PTPRT: variants seen among roughly 807,000 people sequenced by gnomAD.
PTPRT encodes the protein protein tyrosine phosphatase receptor type T, also known as receptor-type tyrosine-protein phosphatase T.
Under a neutral mutation model 176.8 loss-of-function variants are expected in PTPRT, and 56 were observed. The ratio of observed to expected loss-of-function variants is 0.32; its 90% CI spans 0.26 to 0.40. The LOEUF (loss-of-function observed/expected upper bound fraction) is 0.40. Ranked by LOEUF, PTPRT falls within the 10% of genes least tolerant of loss-of-function variation. PTPRT has a pLI of 1.00. For synonymous variants in PTPRT, 783 were observed against 739.0 expected (o/e 1.06, Z -0.96); for missense variants, 1,540 against 1,908.2 (o/e 0.81, Z 3.60).
intron 16 of PTPRT, among the ~76,000 whole-genome samples, chr20:42,177,728 T>C (rs770264115): frequency 1.3e-4 from 20 of 152,148 alleles, no homozygotes; most frequent in Non-Finnish European, 2.6e-4. Context: ...ACTACTGTTA[T>C]AACCATTTTA....
At chr20:42,605,461 G>A (rs6102934) in intron 7 of PTPRT, among the ~76,000 whole-genome samples, 40,882 of 152,022 alleles carry the variant, frequency 0.27, 7,926 homozygotes, top group African/African-American at 0.55. Flanking sequence ...CTTCTTAGAC[G>A]TCTCCGCAGA....
Position 42,806,003 on chromosome 20 carries a change from A to ATT in PTPRT, c.215-14539_215-14538dup, listed in dbSNP as rs3092354. ...CACCCTAATTCCTAATATAGGGAAG[A>ATT]TTTTTTTTTTTTTTTTTAATCTTAC... On this transcript the variant is annotated intron_variant, in intron 2 of 30. Transcript: ENST00000373187. Among the ~76,000 whole-genome samples, 161 of 140,594 alleles carry ATT rather than the reference A, an allele frequency of 1.1e-3. 1 individual carries two copies. Among genetic ancestry groups the ATT allele is most frequent in the Admixed American group, 4.4e-3 (62 of 13,974 alleles). The allele number at this position is 140,594 out of a possible 152,430, so 92.2% of individuals were successfully genotyped here.
At chr20:43,186,234 C>T (rs1467030615) in intron 1 of PTPRT, among the ~76,000 whole-genome samples, 2 of 152,186 alleles carry the variant, frequency 1.3e-5, no homozygotes. Context: ...CCCAAGCCGG[C>T]ATAGGTAGAA....
At chr20:42,230,919 G>T (rs551461776) in intron 15 of PTPRT, among the ~76,000 whole-genome samples, 3 of 152,316 alleles carry the variant, frequency 2.0e-5, no homozygotes, top group Admixed American at 2.0e-4. Context: ...TTATTGGGCT[G>T]TTATTTATCC....
At chr20:42,434,193 A>G (rs969160306) in intron 9 of PTPRT, among the ~76,000 whole-genome samples, 8 of 152,320 alleles carry the variant, frequency 5.3e-5, no homozygotes, top group Admixed American at 4.6e-4. Flanking sequence ...TTCTAACACT[A>G]TATACTATTG....
intron 2 of PTPRT, among the ~76,000 whole-genome samples, chr20:42,850,927 C>T (rs901804672): frequency 2.1e-4 from 32 of 152,132 alleles, no homozygotes; most frequent in East Asian, 7.7e-4. Context: ...GCTGATTACC[C>T]GGGTCTCACT....
At chr20:42,161,689 C>G (rs1240625850) in intron 16 of PTPRT, 147 bp from the exon 17 acceptor site, 1 of 729,192 alleles carries the variant, frequency 1.4e-6, no homozygotes, top group Admixed American at 3.0e-5. Context: ...ATTGGAGATA[C>G]ACTCCTTCCC....
intron 9 of PTPRT, among the ~76,000 whole-genome samples, chr20:42,423,362 AG>A (rs1337270362): frequency 1.3e-5 from 2 of 152,060 alleles, no homozygotes; most frequent in Non-Finnish European, 2.9e-5. Context: ...CACGTCACCC[AG>A]GGTTAGTGGC....
chr20:42,126,122 G>A (rs1284466351), intron 19 of PTPRT, among the ~76,000 whole-genome samples: 1 of 152,066 alleles, frequency 6.6e-6, no homozygotes, highest in Non-Finnish European at 1.5e-5. Flanking sequence ...CATGGCCTGA[G>A]ACGTATTTGT....
chr20:42,205,817 T>G (rs1222802318), intron 15 of PTPRT, among the ~76,000 whole-genome samples: 1 of 151,884 alleles, frequency 6.6e-6, no homozygotes, highest in African/African-American at 2.4e-5. Context: ...CCATAGGAAG[T>G]GGACCAAAAA....
intron 2 of PTPRT, among the ~76,000 whole-genome samples, chr20:42,793,225 G>A (rs2077402917): frequency 6.6e-6 from 1 of 152,194 alleles, no homozygotes; most frequent in Admixed American, 6.5e-5. Flanking sequence ...GTGCAGCTGT[G>A]TTTCATGGAT....
chr20:42,100,273 C>T (rs1349529850), intron 26 of PTPRT, among the ~76,000 whole-genome samples: 1 of 152,166 alleles, frequency 6.6e-6, no homozygotes, highest in African/African-American at 2.4e-5. Context: ...GTGCTCCTGC[C>T]GGGTTTCAGG....
At chr20:42,962,992 A>G (rs1228931784) in intron 1 of PTPRT, among the ~76,000 whole-genome samples, 1 of 152,020 alleles carries the variant, frequency 6.6e-6, no homozygotes, top group African/African-American at 2.4e-5. Context: ...AGGTCAGAAG[A>G]TCGAGACCAT....
intron 7 of PTPRT, among the ~76,000 whole-genome samples, chr20:42,563,502 G>T (rs531281849): frequency 6.6e-6 from 1 of 152,104 alleles, no homozygotes; most frequent in Admixed American, 6.5e-5. Context: ...TTTCTAGGAA[G>T]ATGTCCCAAG....
chr20:42,726,511 C>T (rs141049628), intron 6 of PTPRT, among the ~76,000 whole-genome samples: 12 of 152,362 alleles, frequency 7.9e-5, no homozygotes, highest in Admixed American at 2.0e-4. Context: ...ATGTTGCCTA[C>T]GGGCAGCCAC....
At chr20:42,400,713 A>C (rs1441553510) in intron 9 of PTPRT, among the ~76,000 whole-genome samples, 1 of 152,186 alleles carries the variant, frequency 6.6e-6, no homozygotes, top group Non-Finnish European at 1.5e-5. Context: ...AGGAAAAAGA[A>C]GAGAAAGGAA....
rs553814672 is a variant in PTPRT, at chr20:42,940,393, A to C, written c.89-54461T>G. On this transcript the variant is annotated intron_variant, in intron 1 of 30. Transcript: ENST00000373187. ...AAATGAGTTGTATTCGCATAGCCAT[A>C]ACCAAGGAAAAGAAGACATGTATTT... Among the ~76,000 whole-genome samples, 54 of 152,358 alleles carry C rather than the reference A, an allele frequency of 3.5e-4. 1 individual carries two copies. The South Asian group carries it at 0.011, about 31-fold the overall frequency.
intron 7 of PTPRT, among the ~76,000 whole-genome samples, chr20:42,559,127 A>C (rs2072908578): frequency 6.6e-6 from 1 of 152,208 alleles, no homozygotes; most frequent in Admixed American, 6.5e-5. Flanking sequence ...TGCTGATGGA[A>C]TAGAACATTG....
At chr20:42,211,984 C>T (rs1421020880) in intron 15 of PTPRT, among the ~76,000 whole-genome samples, 1 of 125,836 alleles carries the variant, frequency 7.9e-6, no homozygotes, top group African/African-American at 2.8e-5. Context: ...ATGATGAGTT[C>T]ATGTCCTTTG....
Sources: gnomAD v4.1 joint callset for allele counts (sites outside exome capture counted in the v4.1 genomes callset) on GRCh38, gnomAD v4.1.1 for gene constraint, MANE v1.5 for transcripts, NCBI Gene and HGNC (gene_info 2026-07-23, HGNC 2026-07-21) for gene names.